The following FAM168A variants were observed in gnomAD, a reference collection of about 807,000 sequenced individuals.
FAM168A encodes family with sequence similarity 168 member A, also known as protein FAM168A.
Under a neutral mutation model 28.5 loss-of-function variants are expected in FAM168A, and 3 were observed. The ratio of observed to expected loss-of-function variants is 0.11; its 90% CI spans 0.05 to 0.27. The LOEUF is 0.27. Ranked by LOEUF, FAM168A falls within the 10% of genes least tolerant of loss-of-function variation. The pLI, the probability that FAM168A is intolerant of heterozygous loss-of-function variation, is 1.00. For synonymous variants in FAM168A, 122 were observed against 124.2 expected, an observed-to-expected ratio of 0.98 and a Z score of 0.12; for missense variants, 222 against 311.5, an observed-to-expected ratio of 0.71 and a Z score of 2.16.
At chr11:73,478,553 TA>T (rs1348073894) in intron 1 of FAM168A, among the ~76,000 whole-genome samples, 1 of 152,186 alleles carries the variant, frequency 6.6e-6, no homozygotes, top group Non-Finnish European at 1.5e-5. Context: ...CAAAATTCTG[TA>T]AATTCACAAA....
intron 2 of FAM168A, among the ~76,000 whole-genome samples, chr11:73,434,049 T>G (rs188387986): frequency 6.6e-6 from 1 of 152,172 alleles, no homozygotes; most frequent in African/African-American, 2.4e-5. Flanking sequence ...TTTCACCATG[T>G]TGGCCAGGAT....
intron 2 of FAM168A, among the ~76,000 whole-genome samples, chr11:73,438,336 T>C (rs1867129598): frequency 6.6e-6 from 1 of 152,276 alleles, no homozygotes; most frequent in Admixed American, 6.5e-5. Flanking sequence ...TTTAGAATAG[T>C]TGGGAAAGGC....
chr11:73,542,507 C>T (rs76979814), intron 1 of FAM168A, among the ~76,000 whole-genome samples: 2,418 of 152,296 alleles, frequency 0.016, 63 homozygotes, highest in African/African-American at 0.056. Context: ...CTTGCCATTA[C>T]TACACTGACT....
intron 6 of FAM168A, among the ~76,000 whole-genome samples, chr11:73,407,882 TTTTC>T (rs1274814452): frequency 4.6e-5 from 7 of 152,242 alleles, no homozygotes; most frequent in African/African-American, 1.7e-4. Context: ...CCTTTTCCTT[TTTTC>T]TTTGAGACGG....
chr11:73,505,700 C>G (rs1414455730), intron 1 of FAM168A, among the ~76,000 whole-genome samples: 5 of 152,106 alleles, frequency 3.3e-5, no homozygotes, highest in African/African-American at 1.2e-4. Flanking sequence ...AGAGAACAAG[C>G]CAGCAGGTAT....
intron 3 of FAM168A, among the ~76,000 whole-genome samples, chr11:73,428,810 G>T (rs992816930): frequency 6.6e-6 from 1 of 152,118 alleles, no homozygotes; most frequent in Non-Finnish European, 1.5e-5. Context: ...TAGAACTTTA[G>T]CCCATGTGTC....
chr11:73,489,974 A>G (rs976295646), intron 1 of FAM168A, among the ~76,000 whole-genome samples: 1 of 151,696 alleles, frequency 6.6e-6, no homozygotes, highest in Non-Finnish European at 1.5e-5. Context: ...GTCTCCATAC[A>G]CTCTCAAAGC....
intron 1 of FAM168A, among the ~76,000 whole-genome samples, chr11:73,547,629 T>A (rs981587499): frequency 1.3e-5 from 2 of 152,092 alleles, no homozygotes; most frequent in African/African-American, 4.8e-5. Context: ...TGCCTGTGAA[T>A]AACCGCTGCA....
At chr11:73,497,272 C>T (rs577306988) in intron 1 of FAM168A, among the ~76,000 whole-genome samples, 1 of 152,158 alleles carries the variant, frequency 6.6e-6, no homozygotes, top group East Asian at 1.9e-4. Context: ...CCAGACCATC[C>T]TGGCCAACAT....
At chr11:73,437,401 T>C (rs12785502) in intron 2 of FAM168A, among the ~76,000 whole-genome samples, 3 of 52,222 alleles carry the variant, frequency 5.7e-5, no homozygotes, top group East Asian at 8.5e-4. Flanking sequence ...CCGGCCACTC[T>C]TTTTTTTTTT....
intron 1 of FAM168A, among the ~76,000 whole-genome samples, chr11:73,570,227 C>A (rs1944070472): frequency 6.6e-6 from 1 of 152,204 alleles, no homozygotes; most frequent in African/African-American, 2.4e-5. Context: ...AAGCAAGCTA[C>A]TTCCTTTCTC....
At chr11:73,470,328 A>G (rs1867796441) in intron 1 of FAM168A, among the ~76,000 whole-genome samples, 1 of 152,208 alleles carries the variant, frequency 6.6e-6, no homozygotes, top group African/African-American at 2.4e-5. Flanking sequence ...TACTCCTTCC[A>G]GCTTTGGGTC....
chr11:73,486,861 T>C (rs1020999090), intron 1 of FAM168A, among the ~76,000 whole-genome samples: 2 of 152,230 alleles, frequency 1.3e-5, no homozygotes, highest in Non-Finnish European at 2.9e-5. Context: ...TGTTTTGGTA[T>C]CCCTAAACAT....
intron 4 of FAM168A, among the ~76,000 whole-genome samples, chr11:73,418,742 A>G (rs1866737438): frequency 6.6e-6 from 1 of 152,102 alleles, no homozygotes; most frequent in African/African-American, 2.4e-5. Context: ...TCATTCCTCT[A>G]TTGAACAGCT....
chr11:73,500,673 G>A (rs2134623153), intron 1 of FAM168A, among the ~76,000 whole-genome samples: 1 of 152,202 alleles, frequency 6.6e-6, no homozygotes, highest in Middle Eastern at 3.4e-3. Flanking sequence ...TGCCCTGCAA[G>A]AGCTGCTGAA....
rs755508060 is a variant in FAM168A, at chr11:73,462,466, G to A, written c.70+5939C>T. ...GGGGAGGGTGAAATGAAGAGTTATT[G>A]TTTAATGGATATTGAGTGTCAGTTT... On this transcript the variant is annotated intron_variant, in intron 2 of 7. Coordinates refer to ENST00000356467, the MANE Select transcript of FAM168A (RefSeq NM_015159.3). 4.2e-4 allele frequency among the ~76,000 whole-genome samples: 64 copies of A among 152,282 alleles called. 1 individual carries two copies. The Middle Eastern group carries it at 0.024, about 57-fold the overall frequency.
At chr11:73,544,944 TATATA>T (rs1440782495) in intron 1 of FAM168A, among the ~76,000 whole-genome samples, 27 of 93,566 alleles carry the variant, frequency 2.9e-4, no homozygotes, top group African/African-American at 4.8e-4. Flanking sequence ...TATTATGTAA[TATATA>T]ATATATTATA....
At chr11:73,542,121 C>G (rs956961315) in intron 1 of FAM168A, among the ~76,000 whole-genome samples, 15 of 152,150 alleles carry the variant, frequency 9.9e-5, no homozygotes, top group Non-Finnish European at 5.9e-5. Flanking sequence ...CTTCTTTGCT[C>G]TAAGTACACA....
intron 1 of FAM168A, among the ~76,000 whole-genome samples, chr11:73,540,927 G>A (rs569938014): frequency 1.3e-5 from 2 of 152,088 alleles, no homozygotes; most frequent in South Asian, 2.1e-4. Flanking sequence ...AAATTAGTCC[G>A]GGTACGGTGG....
Sources: allele counts gnomAD v4.1 joint callset (sites outside exome capture counted in the v4.1 genomes callset), GRCh38; gene constraint gnomAD v4.1.1; transcripts MANE v1.5; gene names NCBI Gene and HGNC (gene_info 2026-07-23, HGNC 2026-07-21).